The following SLC12A3 variants were observed in gnomAD, a reference collection of about 807,000 sequenced individuals.
SLC12A3 encodes the protein solute carrier family 12 member 3, also known as Na-Cl cotransporter.
Under a neutral mutation model 121.0 loss-of-function variants are expected in SLC12A3, and 104 were observed. The observed-to-expected ratio is 0.86, with a 90% CI of 0.73 to 1.01. The LOEUF (loss-of-function observed/expected upper bound fraction) is 1.01. Among genes scored for constraint, SLC12A3 ranks in the 50% least tolerant of loss-of-function variants. The probability of loss-of-function intolerance (pLI) is 0.00; values close to 1 mark genes in which losing one functional copy is unlikely to be tolerated. For synonymous variants in SLC12A3, 536 were observed against 533.4 expected (o/e 1.00, Z -0.07); for missense variants, 1,328 against 1,356.3 (o/e 0.98, Z 0.33).
At position 56,880,194 on chromosome 16, in the gene SLC12A3, A is replaced by G. The variant is rs776942331; in HGVS notation, c.1508A>G (p.Lys503Arg). 5.0e-6 allele frequency: 8 copies of G among 1,600,416 alleles called. No homozygotes were observed. The highest frequency in any genetic ancestry group is 1.7e-5 in the Admixed American group (1 of 57,278). The change falls in exon 12 of 26, where the codon AAG becomes AGG. Residue 503 changes from lysine to arginine, a missense_variant. Physicochemically the swap from Lys to Arg is conservative, Grantham distance 26 (BLOSUM62 2). Coordinates refer to ENST00000563236, the MANE Select transcript of SLC12A3 (RefSeq NM_001126108.2). ...GFFGKGYGKN[K>R]EPVRGYLLAY... Reference sequence around the variant, plus strand: ...TTCGGCAAAGGCTATGGCAAGAACAAGGAGCCCGTGCGTGGCTACCTGCTG... The same window carrying G: ...TTCGGCAAAGGCTATGGCAAGAACAGGGAGCCCGTGCGTGGCTACCTGCTG...
intron 8 of SLC12A3, among the ~76,000 whole-genome samples, chr16:56,875,618 A>G (rs1253156313): frequency 6.6e-6 from 1 of 151,992 alleles, no homozygotes; most frequent in Non-Finnish European, 1.5e-5. Context: ...CCCTGTGCAC[A>G]ATCCTGCCCC....
chr16:56,908,034 A>G (rs531564601), intron 25 of SLC12A3, among the ~76,000 whole-genome samples: 13 of 152,050 alleles, frequency 8.5e-5, no homozygotes, highest in Admixed American at 8.5e-4. Context: ...ACAACAGACC[A>G]GAAGCAGACC....
chr16:56,893,097 G>A (rs753960724), intron 21 of SLC12A3, 43 bp downstream of exon 21: 39 of 1,513,826 alleles, frequency 2.6e-5, no homozygotes, highest in East Asian at 1.4e-4. Context: ...CGGCGGGGGC[G>A]GGGTGGTGGT....
At chr16:56,891,529 C>T (rs548229240) in intron 19 of SLC12A3, among the ~76,000 whole-genome samples, 2 of 152,264 alleles carry the variant, frequency 1.3e-5, no homozygotes, top group East Asian at 1.9e-4. Flanking sequence ...TTGCTGAGGG[C>T]ATGTCTGGCA....
chr16:56,885,169 G>A (rs1367363272), intron 14 of SLC12A3, 96 bp from the exon 15 acceptor site: 1 of 841,692 alleles, frequency 1.2e-6, no homozygotes, highest in Non-Finnish European at 2.0e-6. Context: ...CCGGTGCCTA[G>A]AGAAGGCCGA....
intron 25 of SLC12A3, among the ~76,000 whole-genome samples, chr16:56,908,302 C>A (rs1217910851): frequency 6.6e-6 from 1 of 151,520 alleles, no homozygotes; most frequent in Non-Finnish European, 1.5e-5. Flanking sequence ...CACCACCTCG[C>A]CCGGCTAATT....
chr16:56,891,371 C>CAAAA (rs35706137), intron 19 of SLC12A3, among the ~76,000 whole-genome samples: 15 of 73,858 alleles, frequency 2.0e-4, no homozygotes, highest in Admixed American at 5.3e-4. Flanking sequence ...GACCCTGTCT[C>CAAAA]AAAAAAAAAA....
At chr16:56,870,774 C>A in intron 6 of SLC12A3, 38 bp downstream of exon 6, 1 of 1,334,276 alleles carries the variant, frequency 7.5e-7, no homozygotes, top group Non-Finnish European at 1.1e-6. Context: ...TGGAGGTGGT[C>A]ACGTGGAGAA....
chr16:56,906,818 C>A, intron 25 of SLC12A3: 3 of 692,422 alleles, frequency 4.3e-6, no homozygotes, highest in Non-Finnish European at 5.3e-6. Context: ...CAAGACATGG[C>A]CTGTATGAGA....
rs773542558 is a variant in SLC12A3 at position 56,872,837 on chromosome 16, G to A, written c.1095+51G>A. 2.5e-6 allele frequency: 4 copies of A among 1,611,616 alleles called. No individual in the cohort carries two copies. In the East Asian group the frequency reaches 8.9e-5, roughly 36 times the overall value. ...TGTCCTGGCACTGCACAGGGGCTAT[G>A]AGCAGAATCCTGCCCCCTGCTCTAG... is the stretch of plus-strand genomic sequence containing the variant. On this transcript the variant is annotated intron_variant, in intron 8 of 25. Transcript: ENST00000563236.
intron 25 of SLC12A3, 82 bp downstream of exon 25, chr16:56,904,544 C>T: frequency 1.5e-6 from 2 of 1,305,014 alleles, no homozygotes; most frequent in Admixed American, 1.7e-5. Context: ...AGCAGGGGCA[C>T]CACGGAGGGC....
chr16:56,865,475 G>C lies in SLC12A3; in HGVS notation c.240G>C (p.Arg80=), dbSNP rs2144678449. The C allele has an allele frequency of 1.9e-6, 3 of 1,613,904 alleles. No homozygotes were observed. The highest frequency in any genetic ancestry group is 2.5e-6 in the Non-Finnish European group (3 of 1,180,044). The change falls in exon 1 of 26, where the codon CGG becomes CGC. Residue 80 remains arginine (R), a synonymous_variant. Transcript: ENST00000563236. ...YANSTQPGEP[R]KVRPTLADLH... ...ACAGCACCCAGCCTGGTGAGCCCCG[G>C]AAGGTCCGGCCCACACTGGCTGACC...
chr16:56,906,989 G>T, intron 25 of SLC12A3: 1 of 230,000 alleles, frequency 4.3e-6, no homozygotes. Flanking sequence ...CAGCCATTGT[G>T]GATTTTTTAC....
chr16:56,893,079 C>G, intron 21 of SLC12A3, 25 bp downstream of exon 21: 1 of 1,595,996 alleles, frequency 6.3e-7, no homozygotes, highest in South Asian at 1.1e-5. Context: ...TGGATCAGCC[C>G]TCCTGCCCGG....
intron 11 of SLC12A3, 50 bp downstream of exon 11, chr16:56,879,699 T>C: frequency 7.2e-7 from 1 of 1,396,716 alleles, no homozygotes. Context: ...GAGCCTGGGC[T>C]AGAGGCACAA....
intron 3 of SLC12A3, among the ~76,000 whole-genome samples, chr16:56,868,738 G>A (rs1340057699): frequency 1.3e-5 from 2 of 152,186 alleles, no homozygotes; most frequent in African/African-American, 4.8e-5. Context: ...TTGGGAGGCC[G>A]AGGCAGGTGG....
At chr16:56,905,077 T>C (rs1221684280) in intron 25 of SLC12A3, among the ~76,000 whole-genome samples, 1 of 152,120 alleles carries the variant, frequency 6.6e-6, no homozygotes, top group Non-Finnish European at 1.5e-5. Flanking sequence ...CGGTGGCTCA[T>C]GCCTGTAATC....
At position 56,902,484 on chromosome 16, in the gene SLC12A3, G is replaced by A. The variant is rs1230655937; in HGVS notation, c.2832G>A (p.Glu944=). The part of the protein sequence containing the change: ...RRDCPWKISD[E]EITKNRVKSL... ...ACTGCCCCTGGAAGATCTCAGATGA[G>A]GAGATTACGAAGAACAGAGTCAAGG... The change falls in exon 24 of 26, where the codon GAG becomes GAA. Residue 944 remains glutamate (E), a synonymous_variant. Coordinates refer to ENST00000563236, the MANE Select transcript of SLC12A3 (RefSeq NM_001126108.2). 6.6e-7 allele frequency: 1 copy of A among 1,505,246 alleles called. No individual in the cohort carries two copies. Among genetic ancestry groups the A allele is most frequent in the Non-Finnish European group, 9.1e-7 (1 of 1,099,952 alleles). The allele number at this position is 1,505,246 out of a possible 1,614,324, so 93.2% of individuals were successfully genotyped here.
intron 1 of SLC12A3, among the ~76,000 whole-genome samples, chr16:56,866,417 G>T (rs927773686): frequency 1.1e-4 from 17 of 152,206 alleles, no homozygotes; most frequent in Non-Finnish European, 5.9e-5. Flanking sequence ...CCAGAGGAGG[G>T]CGTCAGTCAC....
Sources: allele counts gnomAD v4.1 joint callset (sites outside exome capture counted in the v4.1 genomes callset), GRCh38; gene constraint gnomAD v4.1.1; transcripts MANE v1.5; gene names NCBI Gene and HGNC (gene_info 2026-07-23, HGNC 2026-07-21).